Variants in ST8SIA1 observed in about 807,000 individuals in gnomAD.
ST8SIA1 encodes the protein alpha-N-acetylneuraminide alpha-2,8-sialyltransferase.
A neutral mutation model predicts 35.9 loss-of-function variants in ST8SIA1; 16 were observed. The observed-to-expected ratio is 0.45, with a 90% CI of 0.30 to 0.68. ST8SIA1 has a LOEUF of 0.68. ST8SIA1 is among the 30% of genes least tolerant of loss of function. The pLI, the probability that ST8SIA1 is intolerant of heterozygous loss-of-function variation, is 0.09. For missense variants in ST8SIA1, 383 were observed against 453.6 expected (o/e 0.84, Z 1.41); for synonymous variants, 170 against 169.6 (o/e 1.00, Z -0.02).
chr12:22,217,006 A>C (rs1037651662), intron 4 of ST8SIA1, among the ~76,000 whole-genome samples: 1 of 152,256 alleles, frequency 6.6e-6, no homozygotes, highest in Non-Finnish European at 1.5e-5. Context: ...GGAACTGAAT[A>C]GCACCCTTAA....
chr12:22,313,361 C>T (rs1436066930), intron 1 of ST8SIA1, among the ~76,000 whole-genome samples: 1 of 152,046 alleles, frequency 6.6e-6, no homozygotes, highest in Admixed American at 6.6e-5. Context: ...AAGCTCAGCG[C>T]AGTCAAGCTA....
In ST8SIA1 at chr12:22,248,439, T is replaced by C. The variant is rs555448252; in HGVS notation, c.584+567A>G. Among the ~76,000 whole-genome samples, 74 of 151,984 alleles carry C rather than the reference T, an allele frequency of 4.9e-4. 1 individual carries two copies. The highest frequency in any genetic ancestry group is 1.7e-3 in the African/African-American group (71 of 41,418). On this transcript the variant is annotated intron_variant, in intron 4 of 4. Coordinates refer to ENST00000396037, the MANE Select transcript of ST8SIA1 (RefSeq NM_003034.4). Reference sequence around the variant, plus strand: ...CAGCTCCCACAGCAGCTTCCAAGATTCCAGGCAATTTCAAGATTTCTGGAA... The same window carrying C: ...CAGCTCCCACAGCAGCTTCCAAGATCCCAGGCAATTTCAAGATTTCTGGAA...
chr12:22,236,925 G>A (rs1166402860), intron 4 of ST8SIA1, among the ~76,000 whole-genome samples: 2 of 152,122 alleles, frequency 1.3e-5, no homozygotes, highest in African/African-American at 4.8e-5. Flanking sequence ...TGTGGAGAAC[G>A]TTCTGACTCT....
At chr12:22,308,875 G>A (rs1866415972) in intron 1 of ST8SIA1, among the ~76,000 whole-genome samples, 1 of 151,986 alleles carries the variant, frequency 6.6e-6, no homozygotes, top group Admixed American at 6.6e-5. Context: ...TCTCTCCCCT[G>A]ATAAAACAGC....
At chr12:22,208,112 C>T (rs1209856100) in intron 4 of ST8SIA1, among the ~76,000 whole-genome samples, 2 of 146,720 alleles carry the variant, frequency 1.4e-5, no homozygotes, top group Non-Finnish European at 3.0e-5. Flanking sequence ...TGCACTCCAG[C>T]CTGGGTGACA....
At chr12:22,288,802 C>T (rs1163648886) in intron 1 of ST8SIA1, among the ~76,000 whole-genome samples, 1 of 152,194 alleles carries the variant, frequency 6.6e-6, no homozygotes, top group Non-Finnish European at 1.5e-5. Flanking sequence ...GCTTCTCTTT[C>T]CTCTTCTTCT....
chr12:22,243,633 G>A (rs1231584463), intron 4 of ST8SIA1, among the ~76,000 whole-genome samples: 1 of 152,160 alleles, frequency 6.6e-6, no homozygotes, highest in Non-Finnish European at 1.5e-5. Context: ...TCTATAAAAT[G>A]GAAAGTTGAT....
intron 1 of ST8SIA1, among the ~76,000 whole-genome samples, chr12:22,322,872 C>G (rs1866620044): frequency 6.6e-6 from 1 of 152,188 alleles, no homozygotes; most frequent in South Asian, 2.1e-4. Flanking sequence ...GAAAATGACT[C>G]TTAAAATTAG....
In ST8SIA1 at chr12:22,320,980, AAAGAAAGAAAGAAAGAAAGAAAG is replaced by A. The variant is rs1370089453; in HGVS notation, c.236+12994_236+13016del. 8.3e-3 allele frequency among the ~76,000 whole-genome samples: 1,004 copies of A among 120,594 alleles called. 16 individuals carry two copies. Among genetic ancestry groups the A allele is most frequent in the African/African-American group, 0.019 (548 of 28,198 alleles). 79.1% of individuals were successfully genotyped at this position (120,594 alleles called of 152,430 possible). On this transcript the variant is annotated intron_variant, in intron 1 of 4. Coordinates refer to ENST00000396037, the MANE Select transcript of ST8SIA1 (RefSeq NM_003034.4). ...AAGAGAAAGAAAGAAAGAAAGAAAG[AAAGAAAGAAAGAAAGAAAGAAAG>A]AAGAAAGAAAGAAAGAAAGAAAGAA... is the stretch of plus-strand genomic sequence containing the variant.
chr12:22,324,940 G>C (rs1398727437), intron 1 of ST8SIA1: 1 of 151,788 alleles, frequency 6.6e-6, no homozygotes, highest in African/African-American at 2.4e-5. Context: ...AATTATATGA[G>C]AAAATTCTAA....
At chr12:22,312,691 C>G (rs890428442) in intron 1 of ST8SIA1, among the ~76,000 whole-genome samples, 1 of 142,628 alleles carries the variant, frequency 7.0e-6, no homozygotes, top group Non-Finnish European at 1.5e-5. Flanking sequence ...GTGTGGCAAC[C>G]AAGTAGGGGC....
At chr12:22,206,382 T>C (rs1865110452) in intron 4 of ST8SIA1, among the ~76,000 whole-genome samples, 2 of 152,084 alleles carry the variant, frequency 1.3e-5, no homozygotes, top group South Asian at 4.1e-4. Context: ...CTAACAGCAA[T>C]CAGCAAGGTT....
At chr12:22,295,535 C>T (rs1866233569) in intron 1 of ST8SIA1, among the ~76,000 whole-genome samples, 1 of 151,978 alleles carries the variant, frequency 6.6e-6, no homozygotes, top group Non-Finnish European at 1.5e-5. Context: ...GAGTTTGAGA[C>T]CAGCCTGGGC....
At chr12:22,219,788 A>G (rs1224541193) in intron 4 of ST8SIA1, among the ~76,000 whole-genome samples, 1 of 152,212 alleles carries the variant, frequency 6.6e-6, no homozygotes, top group Non-Finnish European at 1.5e-5. Context: ...GGAGGCTGCT[A>G]TAAGACATCA....
chr12:22,293,672 T>C (rs1866208323), intron 1 of ST8SIA1, among the ~76,000 whole-genome samples: 1 of 152,226 alleles, frequency 6.6e-6, no homozygotes, highest in South Asian at 2.1e-4. Context: ...CAGTAAGTAA[T>C]TTCATTCTCC....
At chr12:22,215,700 T>C (rs1177715784) in intron 4 of ST8SIA1, among the ~76,000 whole-genome samples, 1 of 152,198 alleles carries the variant, frequency 6.6e-6, no homozygotes, top group Non-Finnish European at 1.5e-5. Flanking sequence ...CATCAGTGAC[T>C]CAACCAAACT....
chr12:22,211,293 G>A (rs545272981), intron 4 of ST8SIA1, among the ~76,000 whole-genome samples: 32 of 152,250 alleles, frequency 2.1e-4, no homozygotes, highest in African/African-American at 7.0e-4. Context: ...TGATTGAACC[G>A]CTGGCCACTG....
At position 22,216,893 on chromosome 12, in the gene ST8SIA1, A is replaced by G. The variant is rs550138102; in HGVS notation, c.585-14855T>C. 5.3e-5 allele frequency among the ~76,000 whole-genome samples: 8 copies of G among 152,350 alleles called. No individual in the cohort carries two copies. The South Asian group carries it at 1.4e-3, about 28-fold the overall frequency. Reference sequence around the variant, plus strand: ...CTTTTTTAAGGAATACCAAGATAACATAAGAGATACTTTGATTGCCTTCAC... The same window carrying G: ...CTTTTTTAAGGAATACCAAGATAACGTAAGAGATACTTTGATTGCCTTCAC... On this transcript the variant is annotated intron_variant, in intron 4 of 4. Coordinates refer to ENST00000396037, the MANE Select transcript of ST8SIA1 (RefSeq NM_003034.4).
At chr12:22,214,142 C>G (rs1281788298) in intron 4 of ST8SIA1, among the ~76,000 whole-genome samples, 1 of 151,964 alleles carries the variant, frequency 6.6e-6, no homozygotes, top group African/African-American at 2.4e-5. Flanking sequence ...AATTATCGCA[C>G]TTAAATGGTG....
Sources: gnomAD v4.1 joint callset for allele counts (sites outside exome capture counted in the v4.1 genomes callset) on GRCh38, gnomAD v4.1.1 for gene constraint, MANE v1.5 for transcripts, NCBI Gene and HGNC (gene_info 2026-07-23, HGNC 2026-07-21) for gene names.